CPEB3: variants seen among roughly 807,000 people sequenced by gnomAD.
CPEB3 encodes cytoplasmic polyadenylation element binding protein 3.
CPEB3 carries 20 observed loss-of-function variants against 67.2 expected under a neutral mutation model. The ratio of observed to expected loss-of-function variants is 0.30; its 90% confidence interval spans 0.21 to 0.43. The LOEUF is 0.43. CPEB3 is among the 20% of genes least tolerant of loss of function. The pLI is 1.00. For synonymous variants in CPEB3, 376 were observed against 393.1 expected, an observed-to-expected ratio of 0.96 and a Z score of 0.51; for missense variants, 746 against 968.6, an observed-to-expected ratio of 0.77 and a Z score of 3.05.
intron 9 of CPEB3, among the ~76,000 whole-genome samples, chr10:92,053,043 C>A (rs866328510): frequency 1.3e-5 from 2 of 152,196 alleles, no homozygotes; most frequent in Admixed American, 6.5e-5. Context: ...AATGACACAG[C>A]TCCCTGAGAC....
chr10:92,107,300 G>C (rs1287488909), intron 7 of CPEB3, among the ~76,000 whole-genome samples: 1 of 152,142 alleles, frequency 6.6e-6, no homozygotes, highest in Non-Finnish European at 1.5e-5. Context: ...TAAATTTATA[G>C]CAAAATCACT....
chr10:92,239,122 T>C lies in CPEB3; in HGVS notation c.1005+224A>G, dbSNP rs1851682749. On this transcript the variant is annotated intron_variant, in intron 2 of 9. Coordinates refer to ENST00000265997, the MANE Select transcript of CPEB3 (RefSeq NM_014912.5). The surrounding 1 kb of genome is among the most constrained non-coding windows in gnomAD (Gnocchi z 6.0). ...TAAACTAAAAGAAAAAGGCTTCTTC[T>C]ACCCTGAAGGGACGAATACGATTCC... Among the ~76,000 whole-genome samples, 1 of 152,194 alleles carries C rather than the reference T, an allele frequency of 6.6e-6. No individual in the cohort carries two copies. Among genetic ancestry groups the C allele is most frequent in the African/African-American group, 2.4e-5 (1 of 41,444 alleles).
At chr10:92,093,998 G>A (rs1479959824) in intron 7 of CPEB3, among the ~76,000 whole-genome samples, 1 of 151,970 alleles carries the variant, frequency 6.6e-6, no homozygotes, top group East Asian at 2.0e-4. Context: ...GGAATTACCG[G>A]CACCTGCCAC....
At chr10:92,117,028 T>G (rs1845063201) in intron 6 of CPEB3, among the ~76,000 whole-genome samples, 1 of 152,204 alleles carries the variant, frequency 6.6e-6, no homozygotes, top group East Asian at 1.9e-4. Flanking sequence ...AATATTTTTT[T>G]CTTTTTGTTT....
At chr10:92,167,088 A>G (rs1028605338) in intron 4 of CPEB3, among the ~76,000 whole-genome samples, 1 of 152,130 alleles carries the variant, frequency 6.6e-6, no homozygotes, top group African/African-American at 2.4e-5. Flanking sequence ...AACCTCTCTT[A>G]GCCTTAACAG....
chr10:92,203,738 A>G (rs1300472454), intron 2 of CPEB3, among the ~76,000 whole-genome samples: 2 of 151,930 alleles, frequency 1.3e-5, no homozygotes, highest in African/African-American at 4.8e-5. Context: ...GAGCTGAAGG[A>G]AGGCAAAGTC....
At chr10:92,139,263 G>A (rs1211376782) in intron 6 of CPEB3, among the ~76,000 whole-genome samples, 1 of 144,320 alleles carries the variant, frequency 6.9e-6, no homozygotes, top group Non-Finnish European at 1.5e-5. Context: ...GACAACAAGA[G>A]TGAAACTCCA....
At chr10:92,242,165 C>T (rs1467058406) in intron 1 of CPEB3, among the ~76,000 whole-genome samples, 1 of 152,144 alleles carries the variant, frequency 6.6e-6, no homozygotes. Flanking sequence ...GTTTCATACA[C>T]AAAATAGTGG....
intron 7 of CPEB3, among the ~76,000 whole-genome samples, chr10:92,099,967 C>G (rs1036249448): frequency 3.3e-5 from 5 of 152,080 alleles, no homozygotes; most frequent in Admixed American, 6.6e-5. Context: ...AGTTCGAGAC[C>G]AGCCTGGGCA....
intron 8 of CPEB3, among the ~76,000 whole-genome samples, chr10:92,082,360 C>T (rs1327785501): frequency 1.3e-5 from 2 of 152,168 alleles, no homozygotes; most frequent in Non-Finnish European, 2.9e-5. Flanking sequence ...TCTCAGCTCA[C>T]TACAACCTCC....
intron 3 of CPEB3, among the ~76,000 whole-genome samples, chr10:92,182,547 C>A (rs915442253): frequency 1.3e-5 from 2 of 152,068 alleles, no homozygotes; most frequent in Non-Finnish European, 2.9e-5. Context: ...TAGGGAAGGC[C>A]GGGCGCAGTG....
At chr10:92,247,827 T>G (rs1321532245) in intron 1 of CPEB3, among the ~76,000 whole-genome samples, 1 of 152,172 alleles carries the variant, frequency 6.6e-6, no homozygotes, top group African/African-American at 2.4e-5. Flanking sequence ...AGAGGCACTT[T>G]CTGAAATTTT....
intron 9 of CPEB3, among the ~76,000 whole-genome samples, chr10:92,075,030 G>A (rs772366829): frequency 1.3e-5 from 2 of 152,150 alleles, no homozygotes; most frequent in Non-Finnish European, 2.9e-5. Flanking sequence ...AGACTCCTGA[G>A]CAAAAGTGAC....
intron 6 of CPEB3, among the ~76,000 whole-genome samples, chr10:92,138,542 G>T (rs542265395): frequency 6.8e-6 from 1 of 147,836 alleles, no homozygotes; most frequent in African/African-American, 2.5e-5. Context: ...TGAAAGATCT[G>T]AATAGGCATT....
rs762351367 is a variant in CPEB3, at chr10:92,192,457, G to A, written c.1165+20C>T. 1.6e-5 allele frequency: 25 copies of A among 1,581,012 alleles called. No homozygotes were observed. Among genetic ancestry groups the A allele is most frequent in the Non-Finnish European group, 2.1e-5 (25 of 1,162,852 alleles). On this transcript the variant is annotated intron_variant, in intron 3 of 9. Coordinates refer to ENST00000265997, the MANE Select transcript of CPEB3 (RefSeq NM_014912.5). ...TGCTTAAAACACCAAGCAAGAAATG[G>A]ACATATGAATATTCCTAACCTGCAA... is the stretch of plus-strand genomic sequence containing the variant.
intron 2 of CPEB3, among the ~76,000 whole-genome samples, chr10:92,222,143 C>G (rs1013268108): frequency 1.3e-5 from 2 of 151,862 alleles, no homozygotes; most frequent in Admixed American, 1.3e-4. Context: ...TTCTGTCCAA[C>G]AGATGAATTG....
At position 92,239,291 on chromosome 10, in the gene CPEB3, G is replaced by T. The variant is rs1197419703; in HGVS notation, c.1005+55C>A. The T allele has an allele frequency of 6.5e-7, 1 of 1,548,882 alleles. No individual in the cohort carries two copies. Among genetic ancestry groups the T allele is most frequent in the Admixed American group, 1.9e-5 (1 of 52,448 alleles). ...GGGTGGATGATTAAAAGTCAGAGAA[G>T]TGGCAAAAGGAGCGGGGCAGAGGGA... On this transcript the variant is annotated intron_variant, in intron 2 of 9. Coordinates refer to ENST00000265997, the MANE Select transcript of CPEB3 (RefSeq NM_014912.5). This position sits in a 1 kb window ranked among gnomAD's most constrained non-coding sequence, Gnocchi z 6.0.
chr10:92,217,159 G>T (rs1850455369), intron 2 of CPEB3, among the ~76,000 whole-genome samples: 1 of 114,172 alleles, frequency 8.8e-6, no homozygotes, highest in Non-Finnish European at 1.6e-5. Context: ...GGTCAGCCAA[G>T]ATCATGCCAC....
Position 92,086,418 on chromosome 10 carries a change from T to C in CPEB3, c.1688-4917A>G, listed in dbSNP as rs549684600. ...ATTTTCAAATAGATGGTATGAACAA[T>C]GAATTAAATCAGACAGAGTACACTG... On this transcript the variant is annotated intron_variant, in intron 8 of 9. Coordinates refer to ENST00000265997, the MANE Select transcript of CPEB3 (RefSeq NM_014912.5). 2.0e-5 allele frequency among the ~76,000 whole-genome samples: 3 copies of C among 152,352 alleles called. No individual in the cohort carries two copies. The East Asian group carries it at 5.8e-4, about 29-fold the overall frequency.
Sources: allele counts gnomAD v4.1 joint callset (sites outside exome capture counted in the v4.1 genomes callset), GRCh38; gene constraint gnomAD v4.1.1; non-coding constraint Gnocchi (gnomAD v3.1); transcripts MANE v1.5; gene names NCBI Gene and HGNC (gene_info 2026-07-23, HGNC 2026-07-21).